STXBP5L: variants seen among roughly 807,000 people sequenced by gnomAD.
STXBP5L encodes syntaxin binding protein 5L, also known as syntaxin-binding protein 5-like.
In STXBP5L, 65 loss-of-function variants were observed where a neutral mutation model predicts 144.5. The observed-to-expected ratio is 0.45, with a 90% CI of 0.37 to 0.55. STXBP5L has a LOEUF of 0.55. Among genes scored for constraint, STXBP5L ranks in the 20% least tolerant of loss-of-function variants. The probability of loss-of-function intolerance (pLI) is 0.00; values close to 1 mark genes in which losing one functional copy is unlikely to be tolerated. For missense variants in STXBP5L, 1,298 were observed against 1,405.5 expected (o/e 0.92, Z 1.22); for synonymous variants, 505 against 469.6 (o/e 1.08, Z -0.97).
In STXBP5L at chr3:121,094,690, G is replaced by T. The variant is rs575093527; in HGVS notation, c.471-20235G>T. ...TCTCTGCACGTGAGATGGTTTTCCT[G>T]AATACAACACACTGATGGGTCTTGA... On this transcript the variant is annotated intron_variant, in intron 5 of 26. Coordinates refer to ENST00000471454, the MANE Select transcript of STXBP5L (RefSeq NM_001308330.2). Among the ~76,000 whole-genome samples, 7 of 152,264 alleles carry T rather than the reference G, an allele frequency of 4.6e-5. No homozygotes were observed. The East Asian group carries it at 1.3e-3, about 29-fold the overall frequency.
intron 5 of STXBP5L, among the ~76,000 whole-genome samples, chr3:121,069,434 A>C (rs995925439): frequency 4.6e-5 from 7 of 152,082 alleles, no homozygotes; most frequent in African/African-American, 1.7e-4. Context: ...AACTTATTAC[A>C]AGTAAAGCTG....
At chr3:121,296,339 G>C (rs1333024613) in intron 19 of STXBP5L, among the ~76,000 whole-genome samples, 1 of 152,074 alleles carries the variant, frequency 6.6e-6, no homozygotes, top group Admixed American at 6.6e-5. Flanking sequence ...AACTTAACTG[G>C]TTTCCATTCC....
chr3:121,357,611 T>C (rs950361799), intron 20 of STXBP5L: 1 of 152,246 alleles, frequency 6.6e-6, no homozygotes, highest in African/African-American at 2.4e-5. Flanking sequence ...AGCAACATGT[T>C]CTTTACTGAT....
rs188207556 is a variant in STXBP5L at position 120,929,025 on chromosome 3, A to C, written c.189+19258A>C. Among the ~76,000 whole-genome samples the C allele has an allele frequency of 4.3e-4, 66 of 152,242 alleles. 1 individual carries two copies. Among genetic ancestry groups the C allele is most frequent in the Admixed American group, 1.1e-3 (17 of 15,288 alleles). ...TGTGGTGAAAAAAGGGTAAGCTTTA[A>C]GTATGTTCTTATTGTAAGTTGTTGG... On this transcript the variant is annotated intron_variant, in intron 2 of 26. Coordinates refer to ENST00000471454, the MANE Select transcript of STXBP5L (RefSeq NM_001308330.2).
At chr3:121,006,113 C>G (rs551341493) in intron 3 of STXBP5L, among the ~76,000 whole-genome samples, 2 of 151,948 alleles carry the variant, frequency 1.3e-5, no homozygotes, top group Non-Finnish European at 2.9e-5. Context: ...TCCTTGTTAA[C>G]TTTCTGTCTC....
intron 5 of STXBP5L, among the ~76,000 whole-genome samples, chr3:121,093,071 C>T (rs1252386561): frequency 6.6e-6 from 1 of 152,238 alleles, no homozygotes; most frequent in Non-Finnish European, 1.5e-5. Context: ...TGCTGGATTA[C>T]ATTTATTGAT....
At chr3:121,116,389 G>A (rs1372745158) in intron 6 of STXBP5L, among the ~76,000 whole-genome samples, 3 of 152,124 alleles carry the variant, frequency 2.0e-5, no homozygotes, top group South Asian at 4.1e-4. Flanking sequence ...TTATACTCTT[G>A]TCATGATACT....
At chr3:120,997,194 A>G (rs77875320) in intron 3 of STXBP5L, among the ~76,000 whole-genome samples, 2,932 of 152,258 alleles carry the variant, frequency 0.019, 103 homozygotes, top group African/African-American at 0.067. Context: ...TTCACCACTG[A>G]TAGACATTTA....
At position 121,255,116 on chromosome 3, in the gene STXBP5L, A is replaced by C. The variant is rs80346686; in HGVS notation, c.1659+4A>C. 2 of 1,565,858 alleles carry C rather than the reference A, an allele frequency of 1.3e-6. No individual in the cohort carries two copies. The highest frequency in any genetic ancestry group is 4.0e-5 in the Admixed American group (2 of 50,034). On this transcript the variant is annotated splice_donor_region_variant and intron_variant, in intron 16 of 26. Coordinates refer to ENST00000471454, the MANE Select transcript of STXBP5L (RefSeq NM_001308330.2). Reference sequence around the variant, plus strand: ...TGAAATTACAACAGAAATAGTGGTAAGTTATTTAAAATTTAACTTTCACTT... The same window carrying C: ...TGAAATTACAACAGAAATAGTGGTACGTTATTTAAAATTTAACTTTCACTT...
intron 3 of STXBP5L, among the ~76,000 whole-genome samples, chr3:120,980,092 T>C (rs1941590416): frequency 6.6e-6 from 1 of 152,202 alleles, no homozygotes; most frequent in Admixed American, 6.5e-5. Flanking sequence ...AAAAAATACT[T>C]GATTTCAATT....
At chr3:121,291,240 C>T (rs1351130490) in intron 19 of STXBP5L, among the ~76,000 whole-genome samples, 1 of 152,040 alleles carries the variant, frequency 6.6e-6, no homozygotes. Context: ...ATCAATAGCA[C>T]TGCTATATAC....
intron 5 of STXBP5L, among the ~76,000 whole-genome samples, chr3:121,085,219 A>G (rs184859447): frequency 1.3e-5 from 2 of 152,254 alleles, no homozygotes; most frequent in African/African-American, 4.8e-5. Context: ...TCTTTAGTTT[A>G]ATTACATCCC....
intron 22 of STXBP5L, among the ~76,000 whole-genome samples, chr3:121,402,936 C>T (rs1467579444): frequency 1.3e-5 from 2 of 152,114 alleles, no homozygotes; most frequent in Non-Finnish European, 2.9e-5. Context: ...CTCAAACGAT[C>T]CTCCCATCTC....
At chr3:121,157,192 T>C (rs2046145783) in intron 8 of STXBP5L, among the ~76,000 whole-genome samples, 2 of 152,114 alleles carry the variant, frequency 1.3e-5, no homozygotes, top group South Asian at 4.1e-4. Flanking sequence ...CATGTGTAAA[T>C]TGAAAAATCA....
At chr3:121,234,242 GA>G (rs972350605) in intron 12 of STXBP5L, among the ~76,000 whole-genome samples, 1 of 152,048 alleles carries the variant, frequency 6.6e-6, no homozygotes, top group African/African-American at 2.4e-5. Flanking sequence ...GTAATAGCAT[GA>G]AACTAATTTC....
chr3:120,952,357 G>T (rs963190059), intron 2 of STXBP5L, among the ~76,000 whole-genome samples: 3 of 151,944 alleles, frequency 2.0e-5, no homozygotes, highest in Non-Finnish European at 4.4e-5. Context: ...AAAGAATATT[G>T]TGTAGTTTTC....
intron 7 of STXBP5L, among the ~76,000 whole-genome samples, chr3:121,140,171 G>A (rs975765249): frequency 4.6e-5 from 7 of 151,902 alleles, no homozygotes; most frequent in East Asian, 3.9e-4. Flanking sequence ...GCTCAACATC[G>A]CTCATCATCA....
At chr3:120,916,111 T>C (rs1169716190) in intron 2 of STXBP5L, among the ~76,000 whole-genome samples, 2 of 152,156 alleles carry the variant, frequency 1.3e-5, no homozygotes, top group African/African-American at 4.8e-5. Context: ...TCTGGACTTA[T>C]CTAACATATT....
At chr3:121,170,030 G>C (rs1482217665) in intron 9 of STXBP5L, among the ~76,000 whole-genome samples, 2 of 149,464 alleles carry the variant, frequency 1.3e-5, no homozygotes, top group African/African-American at 5.0e-5. Flanking sequence ...TTAGAACTCA[G>C]GATTAAGAAA....
Sources: allele counts gnomAD v4.1 joint callset (sites outside exome capture counted in the v4.1 genomes callset), GRCh38; gene constraint gnomAD v4.1.1; transcripts MANE v1.5; gene names NCBI Gene and HGNC (gene_info 2026-07-23, HGNC 2026-07-21).